The following FBXO24 variants were observed in gnomAD, a reference collection of about 807,000 sequenced individuals.
FBXO24 encodes the protein F-box only protein 24.
In FBXO24, 30 loss-of-function variants were observed where a neutral mutation model predicts 63.5. The observed-to-expected ratio is 0.47, with a 90% CI of 0.35 to 0.64. The LOEUF is 0.64. FBXO24 is among the 30% of genes least tolerant of loss of function. The pLI is 0.00. For synonymous variants in FBXO24, 300 were observed against 305.0 expected, an observed-to-expected ratio of 0.98 and a Z score of 0.17; for missense variants, 624 against 763.4, an observed-to-expected ratio of 0.82 and a Z score of 2.15.
Position 100,589,999 on chromosome 7 carries a change from G to A in FBXO24, c.62G>A (p.Cys21Tyr). The A allele has an allele frequency of 6.2e-7, 1 of 1,613,652 alleles. No individual in the cohort carries two copies. Among genetic ancestry groups the A allele is most frequent in the Non-Finnish European group, 8.5e-7 (1 of 1,179,860 alleles). Residue 21 changes from cysteine to tyrosine, a missense_variant, in exon 2 of 10, where the codon TGT (cysteine) becomes TAT (tyrosine). By Grantham distance (194) the Cys-to-Tyr change is radical (BLOSUM62 -2). Transcript: ENST00000241071. ...RRRVKRSCPS[C>Y]GSELGVEEKR... ...TAGGTGAAGAGAAGCTGCCCTTCTT[G>A]TGGCTCGGAGCTTGGGGTTGAAGAG...
Position 100,600,102 on chromosome 7 carries a change from A to G in FBXO24, c.1278A>G (p.Ser426=). The change falls in exon 9 of 10, where the codon TCA becomes TCG. Residue 426 remains serine (S), a synonymous_variant. Transcript: ENST00000241071. The surrounding 1 kb of genome is among the most constrained non-coding windows in gnomAD (Gnocchi z 6.3). ...LNHSLVLSQS[S]EFSKELLGCG... is the part of the protein sequence containing the mutation. ...ACTCCCTGGTGCTGAGCCAGAGCTC[A>G]GAGTTCAGCAAGGAGCTGCTGGGCT... 2 of 1,609,442 alleles carry G rather than the reference A, an allele frequency of 1.2e-6. No homozygotes were observed. The highest frequency in any genetic ancestry group is 3.9e-4 in the Middle Eastern group (2 of 5,096).
In FBXO24 at chr7:100,591,678, C is replaced by T. The variant is rs755435589; in HGVS notation, c.334C>T (p.Leu112=). 1.2e-6 allele frequency: 2 copies of T among 1,614,182 alleles called. No individual in the cohort carries two copies. Among genetic ancestry groups the T allele is most frequent in the Non-Finnish European group, 8.5e-7 (1 of 1,180,022 alleles). The change falls in exon 4 of 10, where the codon CTG becomes TTG. Residue 112 remains leucine, a synonymous_variant. Coordinates refer to ENST00000241071, the MANE Select transcript of FBXO24 (RefSeq NM_033506.3). Reference sequence around the variant, plus strand: ...CTTCCTTCCTCCAGACACGAAGGGCCTGTATTTCCAGGCATTTGGAGGCCG... The same window carrying T: ...CTTCCTTCCTCCAGACACGAAGGGCTTGTATTTCCAGGCATTTGGAGGCCG... ...RAAILNYTKG[L]YFQAFGGRRR...
Position 100,595,100 on chromosome 7 carries a change from AG to A in FBXO24, c.953-1del, listed in dbSNP as rs780583620. ...CTGAGCTGAGGGCTCCTGACCCCCCAGACCAGGGGGGAGTGTATTTTGAGGT... is the reference window on the plus strand; with the variant it reads ...CTGAGCTGAGGGCTCCTGACCCCCCAACCAGGGGGGAGTGTATTTTGAGGT... On this transcript the variant is annotated splice_acceptor_variant, in intron 6 of 9. Coordinates refer to ENST00000241071, the MANE Select transcript of FBXO24 (RefSeq NM_033506.3). LOFTEE classifies it high-confidence loss of function. The A allele has an allele frequency of 6.2e-7, 1 of 1,613,884 alleles. No individual in the cohort carries two copies. The highest frequency in any genetic ancestry group is 8.5e-7 in the Non-Finnish European group (1 of 1,179,872).
chr7:100,595,233 T>C lies in FBXO24; in HGVS notation c.1074+10T>C, dbSNP rs764331143. The C allele has an allele frequency of 6.2e-6, 10 of 1,614,090 alleles. No individual in the cohort carries two copies. Among genetic ancestry groups the C allele is most frequent in the Non-Finnish European group, 8.5e-6 (10 of 1,179,990 alleles). On this transcript the variant is annotated intron_variant, in intron 7 of 9. Coordinates refer to ENST00000241071, the MANE Select transcript of FBXO24 (RefSeq NM_033506.3). ...CTCACTGCCTGCCAAGGTAGGCTCC[T>C]GGAGGGACGGGGCAAACCAGAGGGG...
chr7:100,586,508 C>T lies in FBXO24; in HGVS notation c.-118C>T. The stretch of plus-strand genomic sequence containing the variant: ...AGCAGGGGGTGCCTAGTCCTCGTCC[C>T]CCAAAGACCAATCGTAAGCCAGATA... On this transcript the variant is annotated 5_prime_UTR_variant, in exon 1 of 10. Transcript: ENST00000241071. 9.0e-7 allele frequency: 1 copy of T among 1,113,556 alleles called. No homozygotes were observed. The highest frequency in any genetic ancestry group is 1.4e-6 in the Non-Finnish European group (1 of 740,340). The allele number at this position is 1,113,556 out of a possible 1,614,324, so 69.0% of individuals were successfully genotyped here. A position where few individuals can be genotyped will look rare whatever the true frequency, so the allele number is the denominator to read the frequency against.
chr7:100,589,442 C>A, intron 1 of FBXO24: 4 of 1,244,568 alleles, frequency 3.2e-6, no homozygotes, highest in Non-Finnish European at 4.0e-6. Context: ...AAATGCATAT[C>A]CCTTGAGCCA....
At chr7:100,599,989 C>CA in intron 8 of FBXO24, 42 bp from the exon 9 acceptor site, 1 of 1,572,916 alleles carries the variant, frequency 6.4e-7, no homozygotes, top group Non-Finnish European at 8.6e-7. Context: ...CCCCCCGTCC[C>CA]TTGGTGCTCC....
chr7:100,594,344 A>G lies in FBXO24; in HGVS notation c.794-39A>G. On this transcript the variant is annotated intron_variant, in intron 5 of 9. Transcript: ENST00000241071. This position sits in a 1 kb window ranked among gnomAD's most constrained non-coding sequence, Gnocchi z 4.2. ...CTTGGGATGTTTATGTGGATATTGGAGAATCCCCTCCCCAACTAATTGCTT... is the reference window on the plus strand; with the variant it reads ...CTTGGGATGTTTATGTGGATATTGGGGAATCCCCTCCCCAACTAATTGCTT... 6.2e-7 allele frequency: 1 copy of G among 1,605,002 alleles called. No individual in the cohort carries two copies. Among genetic ancestry groups the G allele is most frequent in the South Asian group, 1.1e-5 (1 of 89,858 alleles).
chr7:100,589,817 A>T, intron 1 of FBXO24, 160 bp from the exon 2 acceptor site: 1 of 1,513,818 alleles, frequency 6.6e-7, no homozygotes, highest in Non-Finnish European at 8.9e-7. Context: ...GCCGCAGGAG[A>T]TCGGGAGGAG....
intron 8 of FBXO24, among the ~76,000 whole-genome samples, chr7:100,597,616 A>G (rs1000601810): frequency 6.6e-6 from 1 of 151,650 alleles, no homozygotes; most frequent in Non-Finnish European, 1.5e-5. Flanking sequence ...CTGGTCTCAA[A>G]CTCCTGACCT....
Position 100,590,331 on chromosome 7 carries a change from C to T in FBXO24, c.296C>T (p.Pro99Leu), listed in dbSNP as rs770362451. The stretch of plus-strand genomic sequence containing the variant: ...CAAGATCAGGGTTCTGGAGTCCGGC[C>T]CTGGAAGAGAGCTGCCATTCTGAAC... ...RLQDQGSGVR[P>L]WKRAAILNYT... is the part of the protein sequence containing the mutation. The change falls in exon 3 of 10, where the codon CCC becomes CTC. Residue 99 changes from proline (P) to leucine (L), a missense_variant. Around this residue, in one of 3 missense-constraint regions of FBXO24, gnomAD observed 391 missense variants for 469.1 expected, o/e 0.83. Coordinates refer to ENST00000241071, the MANE Select transcript of FBXO24 (RefSeq NM_033506.3). 5 of 1,613,632 alleles carry T rather than the reference C, an allele frequency of 3.1e-6. No homozygotes were observed. The highest frequency in any genetic ancestry group is 3.4e-6 in the Non-Finnish European group (4 of 1,179,824).
Position 100,595,104 on chromosome 7 carries a change from C to A in FBXO24, c.955C>A (p.Gln319Lys). The change falls in exon 7 of 10, where the codon CAG (glutamine) becomes AAG (lysine). Residue 319 changes from glutamine to lysine, a missense_variant and splice_region_variant. Around this residue, in one of 3 missense-constraint regions of FBXO24, gnomAD observed 391 missense variants for 469.1 expected, o/e 0.83. Coordinates refer to ENST00000241071, the MANE Select transcript of FBXO24 (RefSeq NM_033506.3). ...NQSSTLYVTD[Q>K]GGVYFEVHTP... Reference sequence around the variant, plus strand: ...GCTGAGGGCTCCTGACCCCCCAGACCAGGGGGGAGTGTATTTTGAGGTGCA... The same window carrying A: ...GCTGAGGGCTCCTGACCCCCCAGACAAGGGGGGAGTGTATTTTGAGGTGCA... 1 of 1,613,908 alleles carries A rather than the reference C, an allele frequency of 6.2e-7. No homozygotes were observed. The highest frequency in any genetic ancestry group is 8.5e-7 in the Non-Finnish European group (1 of 1,179,918).
At chr7:100,598,886 G>A (rs1042939196) in intron 8 of FBXO24, among the ~76,000 whole-genome samples, 1 of 152,012 alleles carries the variant, frequency 6.6e-6, no homozygotes, top group Admixed American at 6.6e-5. Flanking sequence ...GGCTGAGGAA[G>A]GAGAATTGCT....
At chr7:100,596,178 T>C (rs947874004) in intron 8 of FBXO24, among the ~76,000 whole-genome samples, 1 of 151,358 alleles carries the variant, frequency 6.6e-6, no homozygotes, top group Non-Finnish European at 1.5e-5. Flanking sequence ...ACTCAGGAGG[T>C]TGAGGCAGGA....
At chr7:100,592,672 A>G (rs1802088761) in intron 4 of FBXO24, 111 bp from the exon 5 acceptor site, 8 of 814,152 alleles carry the variant, frequency 9.8e-6, no homozygotes, top group East Asian at 2.7e-5. Flanking sequence ...TCAAGGGCTC[A>G]TTTCCCAACT....
In FBXO24 at chr7:100,600,448, G is replaced by A; in HGVS notation, c.1378-86G>A. On this transcript the variant is annotated intron_variant, in intron 9 of 9. Coordinates refer to ENST00000241071, the MANE Select transcript of FBXO24 (RefSeq NM_033506.3). The surrounding 1 kb of genome is among the most constrained non-coding windows in gnomAD (Gnocchi z 6.3). The stretch of plus-strand genomic sequence containing the variant: ...CAGGGCTGGTGTGAGAGGGAAGAAT[G>A]CAATAGGCAGATTAGCCCGGGCACC... 1 of 1,517,534 alleles carries A rather than the reference G, an allele frequency of 6.6e-7. No individual in the cohort carries two copies. The highest frequency in any genetic ancestry group is 8.8e-7 in the Non-Finnish European group (1 of 1,134,068). The allele number at this position is 1,517,534 out of a possible 1,614,324, so 94.0% of individuals were successfully genotyped here. A position where few individuals can be genotyped will look rare whatever the true frequency, so the allele number is the denominator to read the frequency against.
intron 8 of FBXO24, among the ~76,000 whole-genome samples, chr7:100,596,243 T>C (rs1802303241): frequency 6.6e-6 from 1 of 151,966 alleles, no homozygotes; most frequent in South Asian, 2.1e-4. Context: ...CGTGCCACCC[T>C]ACTCCAGCCT....
At chr7:100,596,265 C>T (rs1052108252) in intron 8 of FBXO24, among the ~76,000 whole-genome samples, 4 of 151,694 alleles carry the variant, frequency 2.6e-5, no homozygotes, top group South Asian at 4.2e-4. Context: ...GGCCACAGAG[C>T]GAGACTCCGT....
At chr7:100,588,979 C>T (rs1246363413) in intron 1 of FBXO24, among the ~76,000 whole-genome samples, 1 of 151,806 alleles carries the variant, frequency 6.6e-6, no homozygotes, top group Admixed American at 6.6e-5. Context: ...TGCATCACCA[C>T]GCCTGGGTAA....
Sources: allele counts gnomAD v4.1 joint callset (sites outside exome capture counted in the v4.1 genomes callset), GRCh38; gene constraint gnomAD v4.1.1; regional missense constraint gnomAD v4.1.1; non-coding constraint Gnocchi (gnomAD v3.1); transcripts MANE v1.5; gene names NCBI Gene and HGNC (gene_info 2026-07-23, HGNC 2026-07-21).